The following PRLR variants were observed in gnomAD, a reference collection of about 807,000 sequenced individuals.
PRLR encodes the protein hPRL receptor.
A neutral mutation model predicts 40.2 loss-of-function variants in PRLR; 13 were observed. The observed-to-expected ratio is 0.32, with a 90% CI of 0.21 to 0.51. The LOEUF (loss-of-function observed/expected upper bound fraction) is 0.51. PRLR is among the 20% of genes least tolerant of loss of function. The probability of loss-of-function intolerance (pLI) is 0.97; values close to 1 mark genes in which losing one functional copy is unlikely to be tolerated. For missense variants in PRLR, 656 were observed against 747.3 expected, an observed-to-expected ratio of 0.88 and a Z score of 1.42; for synonymous variants, 269 against 278.7, an observed-to-expected ratio of 0.97 and a Z score of 0.35.
intron 1 of PRLR, among the ~76,000 whole-genome samples, chr5:35,200,528 C>T (rs756306083): frequency 1.3e-5 from 2 of 152,132 alleles, no homozygotes; most frequent in Non-Finnish European, 2.9e-5. Flanking sequence ...GAAACTGCAA[C>T]GAAATAGAGA....
intron 1 of PRLR, among the ~76,000 whole-genome samples, chr5:35,189,924 G>A (rs1486967497): frequency 6.6e-6 from 1 of 152,192 alleles, no homozygotes; most frequent in Non-Finnish European, 1.5e-5. Flanking sequence ...GGGGCAGCAG[G>A]ATCAGAGTAG....
intron 9 of PRLR, among the ~76,000 whole-genome samples, chr5:35,067,473 G>T (rs1769451717): frequency 6.6e-6 from 1 of 152,104 alleles, no homozygotes. Context: ...TGCAACCAAA[G>T]TGAACACAGA....
At chr5:35,146,958 CAT>C (rs1774200565) in intron 1 of PRLR, among the ~76,000 whole-genome samples, 2 of 152,226 alleles carry the variant, frequency 1.3e-5, no homozygotes, top group South Asian at 2.1e-4. Flanking sequence ...CACACACACA[CAT>C]ACACACACAC....
intron 1 of PRLR, among the ~76,000 whole-genome samples, chr5:35,218,722 A>C (rs1225937509): frequency 6.6e-6 from 1 of 152,252 alleles, no homozygotes; most frequent in Non-Finnish European, 1.5e-5. Flanking sequence ...CACTGGAAAG[A>C]AGCCACCAGA....
rs758935408 is a variant in PRLR at position 35,195,958 on chromosome 5, G to A, written c.-106+34310C>T. 3.3e-5 allele frequency among the ~76,000 whole-genome samples: 5 copies of A among 152,060 alleles called. No homozygotes were observed. In the East Asian group the frequency reaches 5.8e-4, roughly 18 times the overall value. On this transcript the variant is annotated intron_variant, in intron 1 of 9. Coordinates refer to ENST00000618457, the MANE Select transcript of PRLR (RefSeq NM_000949.7). Reference sequence around the variant, plus strand: ...AGGCTCTAAGCAAAAAAATGAAAACGATTTTGAATAAAAATATGAATTCTC... The same window carrying A: ...AGGCTCTAAGCAAAAAAATGAAAACAATTTTGAATAAAAATATGAATTCTC...
intron 7 of PRLR, 92 bp downstream of exon 7, chr5:35,070,032 C>A: frequency 7.1e-7 from 1 of 1,416,978 alleles, no homozygotes; most frequent in South Asian, 1.4e-5. Flanking sequence ...GGCTAAGGCT[C>A]AAAATGGTTT....
At chr5:35,083,448 CTGTGTGTGTGTGTGTG>C (rs144426701) in intron 5 of PRLR, among the ~76,000 whole-genome samples, 2 of 144,356 alleles carry the variant, frequency 1.4e-5, no homozygotes, top group Non-Finnish European at 1.5e-5. Flanking sequence ...TCCTCTCTCT[CTGTGTGTGTGTGTGTG>C]TGTGTGTGTG....
chr5:35,085,386 C>G (rs1300630050), intron 4 of PRLR, among the ~76,000 whole-genome samples: 3 of 152,302 alleles, frequency 2.0e-5, no homozygotes, highest in Admixed American at 6.5e-5. Flanking sequence ...GCTGTCTCTA[C>G]CAGCAACTAA....
intron 9 of PRLR, among the ~76,000 whole-genome samples, chr5:35,067,744 G>C (rs1025040832): frequency 6.6e-6 from 1 of 152,146 alleles, no homozygotes; most frequent in Non-Finnish European, 1.5e-5. Flanking sequence ...TGGCCCCACA[G>C]TACTGATCTG....
At chr5:35,076,184 G>A (rs948478219) in intron 5 of PRLR, among the ~76,000 whole-genome samples, 3 of 152,328 alleles carry the variant, frequency 2.0e-5, no homozygotes, top group Admixed American at 6.5e-5. Context: ...AAAGCTGGAC[G>A]GAGAATGACT....
At chr5:35,157,934 C>T (rs73766761) in intron 1 of PRLR, among the ~76,000 whole-genome samples, 2,736 of 152,194 alleles carry the variant, frequency 0.018, 93 homozygotes, top group African/African-American at 0.062. Flanking sequence ...AAATTTGTTC[C>T]TTTCTTGCTG....
chr5:35,219,507 C>T (rs769015995), intron 1 of PRLR, among the ~76,000 whole-genome samples: 20 of 152,116 alleles, frequency 1.3e-4, no homozygotes, highest in Non-Finnish European at 2.1e-4. Flanking sequence ...TAAATGCTTG[C>T]GATTATATTA....
Position 35,064,079 on chromosome 5 carries a change from C to T in PRLR, c.*1010G>A, listed in dbSNP as rs1258097483. ...TATGTACTGTAAATACACATTATAA[C>T]CTTGCAGCAGAAAATACTGTACCCA... On this transcript the variant is annotated 3_prime_UTR_variant, in exon 10 of 10. Coordinates refer to ENST00000618457, the MANE Select transcript of PRLR (RefSeq NM_000949.7). The T allele has an allele frequency of 6.6e-6, 1 of 152,118 alleles. No individual in the cohort carries two copies. The highest frequency in any genetic ancestry group is 1.5e-5 in the Non-Finnish European group (1 of 68,026). 9.4% of individuals were successfully genotyped at this position (152,118 alleles called of 1,614,324 possible). A position where few individuals can be genotyped will look rare whatever the true frequency, so the allele number is the denominator to read the frequency against.
chr5:35,199,976 G>C (rs893565267), intron 1 of PRLR, among the ~76,000 whole-genome samples: 1 of 152,208 alleles, frequency 6.6e-6, no homozygotes, highest in Non-Finnish European at 1.5e-5. Flanking sequence ...GTGGGTGTGA[G>C]TTTTAGAAAA....
intron 2 of PRLR, among the ~76,000 whole-genome samples, chr5:35,103,988 C>T (rs978476402): frequency 7.2e-5 from 11 of 151,928 alleles, no homozygotes; most frequent in Admixed American, 1.3e-4. Flanking sequence ...TGTGCCCAGG[C>T]GAACAGAGCC....
intron 5 of PRLR, among the ~76,000 whole-genome samples, chr5:35,078,898 T>C (rs1175491292): frequency 1.3e-5 from 2 of 152,170 alleles, no homozygotes; most frequent in African/African-American, 4.8e-5. Flanking sequence ...GCAAGGCTGG[T>C]TCAACATATG....
At chr5:35,055,379 C>G (rs555525855), downstream of PRLR, among the ~76,000 whole-genome samples, 2 of 152,066 alleles carry the variant, frequency 1.3e-5, no homozygotes, top group South Asian at 4.2e-4. Context: ...TTTTAAGGCT[C>G]GAGTCTGGCA....
chr5:35,088,785 A>G (rs1173655542), intron 3 of PRLR, among the ~76,000 whole-genome samples: 1 of 152,164 alleles, frequency 6.6e-6, no homozygotes, highest in Non-Finnish European at 1.5e-5. Context: ...ACACAAAAAT[A>G]TACACAGGTG....
intron 2 of PRLR, among the ~76,000 whole-genome samples, chr5:35,096,784 C>G (rs1265595922): frequency 1.3e-5 from 2 of 152,040 alleles, no homozygotes. Flanking sequence ...TCACGCCTGG[C>G]TAATTTTTGT....
Sources: gnomAD v4.1 joint callset for allele counts (sites outside exome capture counted in the v4.1 genomes callset) on GRCh38, gnomAD v4.1.1 for gene constraint, MANE v1.5 for transcripts, NCBI Gene and HGNC (gene_info 2026-07-23, HGNC 2026-07-21) for gene names.